Variants in MSL1 observed in about 807,000 individuals in gnomAD.
MSL1 encodes the protein MSL complex subunit 1.
A neutral mutation model predicts 64.6 loss-of-function variants in MSL1; 21 were observed. The ratio of observed to expected loss-of-function variants is 0.33; its 90% CI spans 0.23 to 0.47. The LOEUF (loss-of-function observed/expected upper bound fraction) is 0.47. Ranked by LOEUF, MSL1 falls within the 20% of genes least tolerant of loss-of-function variation. The pLI, the probability that MSL1 is intolerant of heterozygous loss-of-function variation, is 1.00. For missense variants in MSL1, 664 were observed against 793.2 expected, an observed-to-expected ratio of 0.84 and a Z score of 1.96; for synonymous variants, 339 against 329.6, an observed-to-expected ratio of 1.03 and a Z score of -0.31.
Position 40,122,718 on chromosome 17 carries a change from G to A in MSL1, c.106G>A (p.Asp36Asn), listed in dbSNP as rs1035087733. ...GGCTGCGGCGCTGGGCGGGCCCGAG[G>A]ACGAGCCTGGGGCGGCCGAAGCCCA... The part of the protein sequence containing the change: ...ERAAALGGPE[D>N]EPGAAEAHFL... Residue 36 changes from aspartate (D) to asparagine (N), a missense_variant, in exon 1 of 9, where the codon GAC (aspartate) becomes AAC (asparagine). This residue lies in a region of MSL1 where 466 missense variants were observed against 499.0 expected (regional missense o/e 0.93). Coordinates refer to ENST00000398532, the MANE Select transcript of MSL1 (RefSeq NM_001365919.1). This position sits in a 1 kb window ranked among gnomAD's most constrained non-coding sequence, Gnocchi z 4.2. The A allele has an allele frequency of 3.5e-5, 51 of 1,477,686 alleles. No individual in the cohort carries two copies. Among genetic ancestry groups the A allele is most frequent in the Non-Finnish European group, 4.0e-5 (45 of 1,122,090 alleles). The allele number at this position is 1,477,686 out of a possible 1,614,324, so 91.5% of individuals were successfully genotyped here. A position where few individuals can be genotyped will look rare whatever the true frequency, so the allele number is the denominator to read the frequency against.
At position 40,136,046 on chromosome 17, in the gene MSL1, T is replaced by TC. The variant is rs1222843674; in HGVS notation, c.*1679dup. 6.6e-6 allele frequency: 1 copy of TC among 152,316 alleles called. No individual in the cohort carries two copies. The highest frequency in any genetic ancestry group is 1.5e-5 in the Non-Finnish European group (1 of 68,038). The allele number at this position is 152,316 out of a possible 1,614,324, so 9.4% of individuals were successfully genotyped here. ...AAACTGGGCCAGATTTTCTTTGTTC[T>TC]CCATCATTTTAATGTGGCAGGCTGT... On this transcript the variant is annotated 3_prime_UTR_variant, in exon 9 of 9. Coordinates refer to ENST00000398532, the MANE Select transcript of MSL1 (RefSeq NM_001365919.1).
Position 40,123,023 on chromosome 17 carries a change from T to A in MSL1, c.411T>A (p.Ile137=), listed in dbSNP as rs1196051379. ...CCAAGTATCAGGCGGTGCTGCCCAT[T>A]CAGACGGGCTCTCTCGTGGCGGCGG... is the stretch of plus-strand genomic sequence containing the variant. ...PRPKYQAVLP[I]QTGSLVAAAK... is the part of the protein sequence containing the mutation. Residue 137 remains isoleucine (I), a synonymous_variant, in exon 1 of 9, where the codon ATT becomes ATA. Coordinates refer to ENST00000398532, the MANE Select transcript of MSL1 (RefSeq NM_001365919.1). 2 of 1,532,204 alleles carry A rather than the reference T, an allele frequency of 1.3e-6. No individual in the cohort carries two copies. Among genetic ancestry groups the A allele is most frequent in the Non-Finnish European group, 1.7e-6 (2 of 1,145,460 alleles). The allele number at this position is 1,532,204 out of a possible 1,614,324, so 94.9% of individuals were successfully genotyped here.
At position 40,122,517 on chromosome 17, in the gene MSL1, A is replaced by G. The variant is rs1988200936; in HGVS notation, c.-96A>G. 3 of 688,898 alleles carry G rather than the reference A, an allele frequency of 4.4e-6. No homozygotes were observed. The allele number at this position is 688,898 out of a possible 1,614,324, so 42.7% of individuals were successfully genotyped here. A position where few individuals can be genotyped will look rare whatever the true frequency, so the allele number is the denominator to read the frequency against. Reference sequence around the variant, plus strand: ...GCCGCGCTGCTGAGGCGAGCCCGCCAAACTCCCCTCCCCCCCCTCAGTCCT... The same window carrying G: ...GCCGCGCTGCTGAGGCGAGCCCGCCGAACTCCCCTCCCCCCCCTCAGTCCT... On this transcript the variant is annotated 5_prime_UTR_variant, in exon 1 of 9. Coordinates refer to ENST00000398532, the MANE Select transcript of MSL1 (RefSeq NM_001365919.1). The surrounding 1 kb of genome is among the most constrained non-coding windows in gnomAD (Gnocchi z 4.2).
Position 40,135,324 on chromosome 17 carries a change from C to T in MSL1, c.*955C>T, listed in dbSNP as rs1988519394. The stretch of plus-strand genomic sequence containing the variant: ...ACAAACAGATGTACCTAATGAGCTT[C>T]TCCATTCACTTTGTAAAAATAATTT... On this transcript the variant is annotated 3_prime_UTR_variant, in exon 9 of 9. Coordinates refer to ENST00000398532, the MANE Select transcript of MSL1 (RefSeq NM_001365919.1). The T allele has an allele frequency of 6.6e-6, 1 of 152,258 alleles. No individual in the cohort carries two copies. The highest frequency in any genetic ancestry group is 2.1e-4 in the South Asian group (1 of 4,824). The allele number at this position is 152,258 out of a possible 1,614,324, so 9.4% of individuals were successfully genotyped here.
chr17:40,126,109 C>T, intron 1 of MSL1, 74 bp from the exon 2 acceptor site: 2 of 1,357,216 alleles, frequency 1.5e-6, no homozygotes, highest in Non-Finnish European at 2.1e-6. Flanking sequence ...TATACTGATT[C>T]CTAAATGGGG....
rs1567669567 is a variant in MSL1 at position 40,129,278 on chromosome 17, T to G, written c.1026T>G (p.Thr342=). The change falls in exon 3 of 9, where the codon ACT becomes ACG. Residue 342 remains threonine, a synonymous_variant. Coordinates refer to ENST00000398532, the MANE Select transcript of MSL1 (RefSeq NM_001365919.1). ...CATTTGGAAGTACAGAAAGAAAGAC[T>G]CCTGTTAAAAAGCTGGCTCCTGAAT... is the stretch of plus-strand genomic sequence containing the variant. ...KSPFGSTERK[T]PVKKLAPEFS... The G allele has an allele frequency of 6.4e-7, 1 of 1,572,766 alleles. No individual in the cohort carries two copies. Among genetic ancestry groups the G allele is most frequent in the African/African-American group, 1.4e-5 (1 of 72,422 alleles).
At chr17:40,132,786 A>C (rs1988466341) in intron 5 of MSL1, among the ~76,000 whole-genome samples, 1 of 152,160 alleles carries the variant, frequency 6.6e-6, no homozygotes, top group African/African-American at 2.4e-5. Flanking sequence ...TTTTAGTTTG[A>C]TGTGATGTTT....
intron 3 of MSL1, 94 bp downstream of exon 3, chr17:40,129,721 T>G: frequency 7.6e-7 from 1 of 1,323,000 alleles, no homozygotes. Context: ...AAAAGTGCAA[T>G]CAATAAAGCA....
At chr17:40,134,202 T>C in intron 8 of MSL1, 77 bp from the exon 9 acceptor site, 1 of 1,316,304 alleles carries the variant, frequency 7.6e-7, no homozygotes, top group Non-Finnish European at 1.1e-6. Context: ...ACATAGTGAC[T>C]TTTTTGTAGT....
intron 2 of MSL1, 126 bp downstream of exon 2, chr17:40,126,532 G>A: frequency 1.1e-6 from 1 of 882,172 alleles, no homozygotes; most frequent in Non-Finnish European, 1.8e-6. Flanking sequence ...CGGAGGGCCG[G>A]GTGTGGTGGC....
chr17:40,123,432 C>T (rs1303551763), intron 1 of MSL1, 52 bp downstream of exon 1: 1 of 1,516,144 alleles, frequency 6.6e-7, no homozygotes, highest in South Asian at 1.2e-5. Flanking sequence ...TGTGCGCATG[C>T]TCGGGGGAAG....
Position 40,126,237 on chromosome 17 carries a change from A to G in MSL1, c.823A>G (p.Asn275Asp), listed in dbSNP as rs1454110778. 1.2e-6 allele frequency: 2 copies of G among 1,614,018 alleles called. No homozygotes were observed. The highest frequency in any genetic ancestry group is 1.7e-6 in the Non-Finnish European group (2 of 1,179,892). The change falls in exon 2 of 9, where the codon AAC becomes GAC. Residue 275 changes from asparagine (N) to aspartate (D), a missense_variant. Asn to Asp is a conservative substitution (Grantham distance 23). Transcript: ENST00000398532. ...GCGGATGCAGCTGGTAAAGAAGGAT[A>G]ACGAGAAAGAAAGGCACAAGCTGTT... is the stretch of plus-strand genomic sequence containing the variant. ...ERRMQLVKKD[N>D]EKERHKLFQG...
rs754634529 is a variant in MSL1, at chr17:40,126,193, G to A, written c.779G>A (p.Arg260Gln). The A allele has an allele frequency of 1.2e-6, 2 of 1,613,930 alleles. No homozygotes were observed. Among genetic ancestry groups the A allele is most frequent in the Non-Finnish European group, 1.7e-6 (2 of 1,179,886 alleles). The change falls in exon 2 of 9, where the codon CGG becomes CAG. Residue 260 changes from arginine to glutamine, a missense_variant. Physicochemically the swap from Arg to Gln is conservative, Grantham distance 43. Around this residue, in one of 4 missense-constraint regions of MSL1, gnomAD observed 466 missense variants for 499.0 expected, o/e 0.93. Coordinates refer to ENST00000398532, the MANE Select transcript of MSL1 (RefSeq NM_001365919.1). ...TACTCTCTCTTTTAGCTCCTTGCTCGGATTGAACGTATGGAAAGGCGGATG... is the reference window on the plus strand; with the variant it reads ...TACTCTCTCTTTTAGCTCCTTGCTCAGATTGAACGTATGGAAAGGCGGATG... ...LKSERDTLLARIERMERRMQL... is the reference protein window; with the variant it reads ...LKSERDTLLAQIERMERRMQL...
rs1988236068 is a variant in MSL1, at chr17:40,123,357, G to A, written c.745G>A (p.Glu249Lys). The A allele has an allele frequency of 6.5e-7, 1 of 1,536,490 alleles. No individual in the cohort carries two copies. The highest frequency in any genetic ancestry group is 8.7e-7 in the Non-Finnish European group (1 of 1,146,908). Residue 249 changes from glutamate (E) to lysine (K), a missense_variant, in exon 1 of 9, where the codon GAG becomes AAG. Glu to Lys is a moderately conservative substitution (Grantham distance 56). Coordinates refer to ENST00000398532, the MANE Select transcript of MSL1 (RefSeq NM_001365919.1). ...GCAGGCCAAGGAAAAGGAGATCGAGGAGCTGAAGTCAGAGAGAGACACGGT... is the reference window on the plus strand; with the variant it reads ...GCAGGCCAAGGAAAAGGAGATCGAGAAGCTGAAGTCAGAGAGAGACACGGT... The part of the protein sequence containing the change: ...QLQAKEKEIE[E>K]LKSERDTLLA...
At chr17:40,134,166 CTAG>C in intron 8 of MSL1, 110 bp from the exon 9 acceptor site, 2 of 867,486 alleles carry the variant, frequency 2.3e-6, no homozygotes. Flanking sequence ...ACACTCCAAA[CTAG>C]TCAGGGATAG....
chr17:40,126,869 G>T (rs1178121738), intron 2 of MSL1: 1 of 159,320 alleles, frequency 6.3e-6, no homozygotes. Flanking sequence ...TATGCAGACT[G>T]TAAAAGTCTG....
intron 1 of MSL1, among the ~76,000 whole-genome samples, chr17:40,123,840 A>C (rs1988251742): frequency 6.6e-6 from 1 of 152,326 alleles, no homozygotes; most frequent in African/African-American, 2.4e-5. Context: ...ATAGGAGGGC[A>C]GTAGGCCTTT....
chr17:40,134,233 A>G, intron 8 of MSL1, 46 bp from the exon 9 acceptor site: 1 of 1,499,660 alleles, frequency 6.7e-7, no homozygotes, highest in South Asian at 1.2e-5. Context: ...TCCACACTGA[A>G]TCCCTTCTAG....
At position 40,132,018 on chromosome 17, in the gene MSL1, C is replaced by T. The variant is rs1158553092; in HGVS notation, c.1424-16C>T. The T allele has an allele frequency of 1.9e-6, 3 of 1,570,554 alleles. No individual in the cohort carries two copies. The highest frequency in any genetic ancestry group is 2.3e-5 in the South Asian group (2 of 85,866). The stretch of plus-strand genomic sequence containing the variant: ...CCACCCCTCCTCCCTTTCTTTTTCT[C>T]TCTCTTTTTTTTCAGTTCCTTCTTG... On this transcript the variant is annotated splice_polypyrimidine_tract_variant and intron_variant, in intron 4 of 8. Transcript: ENST00000398532.
Sources: allele counts gnomAD v4.1 joint callset (sites outside exome capture counted in the v4.1 genomes callset), GRCh38; gene constraint gnomAD v4.1.1; regional missense constraint gnomAD v4.1.1; non-coding constraint Gnocchi (gnomAD v3.1); transcripts MANE v1.5; gene names NCBI Gene and HGNC (gene_info 2026-07-23, HGNC 2026-07-21).